RASEF: variants seen among roughly 807,000 people sequenced by gnomAD.
RASEF encodes RAS and EF-hand domain containing.
A neutral mutation model predicts 90.1 loss-of-function variants in RASEF; 68 were observed. That is an observed-to-expected ratio of 0.75 (90% CI 0.62 to 0.92). RASEF has a LOEUF of 0.92. RASEF is among the 40% of genes least tolerant of loss of function. The pLI is 0.00. For synonymous variants in RASEF, 331 were observed against 345.2 expected (o/e 0.96, Z 0.46); for missense variants, 949 against 937.2 (o/e 1.01, Z -0.16).
At chr9:82,998,115 T>C (rs942898122) in intron 13 of RASEF, among the ~76,000 whole-genome samples, 2 of 152,138 alleles carry the variant, frequency 1.3e-5, no homozygotes, top group Admixed American at 6.5e-5. Context: ...ACTCTCTGTC[T>C]CAACTGAACA....
intron 16 of RASEF, among the ~76,000 whole-genome samples, chr9:82,987,480 TAAGTAAACACACAC>T (rs1308662604): frequency 6.6e-6 from 1 of 152,204 alleles, no homozygotes. Flanking sequence ...CCAGGTGTTT[TAAGTAAACACACAC>T]AAGCTAGTGT....
At chr9:82,982,915 A>T (rs1828640530) in intron 16 of RASEF, 133 bp from the exon 17 acceptor site, 1 of 643,398 alleles carries the variant, frequency 1.6e-6, no homozygotes, top group Non-Finnish European at 2.8e-6. Flanking sequence ...ACGGCCTTAT[A>T]GACATTGTTT....
chr9:83,107,303 T>G, the RASEF span, among the ~76,000 whole-genome samples: 2 of 152,188 alleles, frequency 1.3e-5, no homozygotes, highest in East Asian at 3.9e-4. Flanking sequence ...ATTCTAGCAT[T>G]TTCCAGAAAC....
intron 15 of RASEF, among the ~76,000 whole-genome samples, chr9:82,991,123 T>A (rs923777651): frequency 8.5e-5 from 13 of 152,120 alleles, no homozygotes; most frequent in Non-Finnish European, 1.8e-4. Flanking sequence ...CATCCCCCAC[T>A]CACTCACAGA....
At chr9:83,138,446 T>C in the RASEF span, among the ~76,000 whole-genome samples, 1 of 152,184 alleles carries the variant, frequency 6.6e-6, no homozygotes, top group Admixed American at 6.5e-5. Context: ...TTAATTCTGA[T>C]TTAAACTTGA....
the RASEF span, among the ~76,000 whole-genome samples, chr9:83,179,151 G>T: frequency 6.6e-6 from 1 of 152,038 alleles, no homozygotes; most frequent in African/African-American, 2.4e-5. Context: ...TGTGATCTTT[G>T]AATTTGAAAA....
At chr9:83,049,323 G>T (rs1177830776) in intron 1 of RASEF, 1 of 985,130 alleles carries the variant, frequency 1.0e-6, no homozygotes, top group East Asian at 1.1e-4. Context: ...ACCTGACGGG[G>T]ATGCAGTTTT....
chr9:83,101,437 T>A, the RASEF span, among the ~76,000 whole-genome samples: 1 of 152,258 alleles, frequency 6.6e-6, no homozygotes, highest in Admixed American at 6.5e-5. Context: ...GAAAACAAAT[T>A]GTGAAATATC....
intron 1 of RASEF, among the ~76,000 whole-genome samples, chr9:83,038,872 TCA>T (rs1250848850): frequency 1.3e-5 from 2 of 152,226 alleles, no homozygotes; most frequent in African/African-American, 4.8e-5. Context: ...GTTTTCTGTC[TCA>T]TTTTCTTCAC....
the RASEF span, among the ~76,000 whole-genome samples, chr9:83,178,221 T>C: frequency 6.6e-6 from 1 of 152,204 alleles, no homozygotes; most frequent in African/African-American, 2.4e-5. Flanking sequence ...ATCTCTTCTC[T>C]TCTTTAGCCC....
chr9:83,073,469 T>A, the RASEF span, among the ~76,000 whole-genome samples: 3 of 152,010 alleles, frequency 2.0e-5, no homozygotes, highest in Admixed American at 2.0e-4. Flanking sequence ...CACACTGATA[T>A]GAATCCTCCT....
the RASEF span, among the ~76,000 whole-genome samples, chr9:83,072,840 A>G: frequency 2.0e-5 from 3 of 152,312 alleles, no homozygotes; most frequent in East Asian, 5.8e-4. Flanking sequence ...TCCTTTGGTG[A>G]TACCCTCACA....
At chr9:83,194,666 G>A in the RASEF span, among the ~76,000 whole-genome samples, 2 of 152,166 alleles carry the variant, frequency 1.3e-5, no homozygotes, top group Non-Finnish European at 2.9e-5. Context: ...GGATTCTTCT[G>A]TAGGAAAGAT....
the RASEF span, among the ~76,000 whole-genome samples, chr9:83,082,679 C>G: frequency 7.2e-5 from 11 of 152,136 alleles, no homozygotes; most frequent in Non-Finnish European, 1.5e-4. Flanking sequence ...ACACAGACAA[C>G]AAGTTAGGCC....
At chr9:83,005,699 T>G (rs1013696535) in intron 7 of RASEF, among the ~76,000 whole-genome samples, 199 bp from the exon 8 acceptor site, 1 of 152,228 alleles carries the variant, frequency 6.6e-6, no homozygotes, top group South Asian at 2.1e-4. Context: ...TGATTACTCC[T>G]CTCTCTTTAA....
intron 1 of RASEF, among the ~76,000 whole-genome samples, chr9:83,036,966 T>C (rs1829752324): frequency 6.6e-6 from 1 of 151,706 alleles, no homozygotes; most frequent in South Asian, 2.1e-4. Context: ...AGTGATACCA[T>C]GGTGCCCTAC....
chr9:83,137,922 T>C, the RASEF span, among the ~76,000 whole-genome samples: 20,596 of 151,972 alleles, frequency 0.14, 3,958 homozygotes, highest in African/African-American at 0.43. Flanking sequence ...AAAAGGTTCT[T>C]AAAGGATTGA....
rs545464539 is a variant in RASEF at position 83,036,860 on chromosome 9, G to A, written c.432-10939C>T. Among the ~76,000 whole-genome samples, 5 of 152,066 alleles carry A rather than the reference G, an allele frequency of 3.3e-5. No individual in the cohort carries two copies. The South Asian group carries it at 8.3e-4, about 25-fold the overall frequency. ...AAGGAAAAGTGAGTACAGGTTACACGGGAACACTATACCATCTTCGTTTTT... is the reference window on the plus strand; with the variant it reads ...AAGGAAAAGTGAGTACAGGTTACACAGGAACACTATACCATCTTCGTTTTT... On this transcript the variant is annotated intron_variant, in intron 1 of 16. Coordinates refer to ENST00000376447, the MANE Select transcript of RASEF (RefSeq NM_152573.4).
chr9:82,982,784 T>C lies in RASEF; in HGVS notation c.2118-2A>G. On this transcript the variant is annotated splice_acceptor_variant, in intron 16 of 16. Coordinates refer to ENST00000376447, the MANE Select transcript of RASEF (RefSeq NM_152573.4). LOFTEE classifies it high-confidence loss of function. ...TTGTCAGTTCTCTTTTTCACTTCTCTGAGACAGAGATAGAGAGAGACAGAG... is the reference window on the plus strand; with the variant it reads ...TTGTCAGTTCTCTTTTTCACTTCTCCGAGACAGAGATAGAGAGAGACAGAG... The C allele has an allele frequency of 6.6e-7, 1 of 1,518,042 alleles. No homozygotes were observed. Among genetic ancestry groups the C allele is most frequent in the Non-Finnish European group, 9.1e-7 (1 of 1,098,754 alleles). The allele number at this position is 1,518,042 out of a possible 1,614,324, so 94.0% of individuals were successfully genotyped here. A position where few individuals can be genotyped will look rare whatever the true frequency, so the allele number is the denominator to read the frequency against.
Sources: gnomAD v4.1 joint callset for allele counts (sites outside exome capture counted in the v4.1 genomes callset) on GRCh38, gnomAD v4.1.1 for gene constraint, MANE v1.5 for transcripts, NCBI Gene and HGNC (gene_info 2026-07-23, HGNC 2026-07-21) for gene names.